RBMS3: variants seen among roughly 807,000 people sequenced by gnomAD.
RBMS3 encodes the protein RNA-binding motif, single-stranded-interacting protein 3.
RBMS3 carries 27 observed loss-of-function variants against 66.8 expected under a neutral mutation model. The observed-to-expected ratio is 0.40, with a 90% CI of 0.30 to 0.56. The LOEUF is 0.56. Among genes scored for constraint, RBMS3 ranks in the 20% least tolerant of loss-of-function variants. The pLI is 0.40. For missense variants in RBMS3, 513 were observed against 549.5 expected, an observed-to-expected ratio of 0.93 and a Z score of 0.66; for synonymous variants, 188 against 183.0, an observed-to-expected ratio of 1.03 and a Z score of -0.22.
chr3:29,630,024 ATGTT>A (rs993267272), intron 4 of RBMS3, among the ~76,000 whole-genome samples: 15 of 152,160 alleles, frequency 9.9e-5, no homozygotes, highest in Middle Eastern at 3.4e-3. Context: ...AAACCAATAT[ATGTT>A]TGTTTGTTTT....
intron 3 of RBMS3, among the ~76,000 whole-genome samples, chr3:29,525,053 C>G (rs536712668): frequency 6.6e-6 from 1 of 151,912 alleles, no homozygotes; most frequent in South Asian, 2.1e-4. Context: ...GACGTTGTCT[C>G]TAAAGAAAGA....
chr3:29,796,144 T>C (rs2057174417), intron 6 of RBMS3, among the ~76,000 whole-genome samples: 2 of 152,232 alleles, frequency 1.3e-5, no homozygotes, highest in African/African-American at 4.8e-5. Context: ...CACCATACTG[T>C]AGCGTATTAA....
intron 6 of RBMS3, among the ~76,000 whole-genome samples, chr3:29,828,395 T>C (rs1360144539): frequency 1.3e-5 from 2 of 152,190 alleles, no homozygotes; most frequent in African/African-American, 4.8e-5. Context: ...TTATGTGTAC[T>C]GCTCAGTTGA....
intron 1 of RBMS3, among the ~76,000 whole-genome samples, chr3:29,332,726 AAG>A (rs1265615471): frequency 5.3e-5 from 8 of 152,320 alleles, no homozygotes; most frequent in Admixed American, 3.9e-4. Flanking sequence ...GATGAAATAA[AAG>A]AGTGATCAGA....
At chr3:29,464,978 C>CAAT (rs2042489043) in intron 2 of RBMS3, among the ~76,000 whole-genome samples, 1 of 152,176 alleles carries the variant, frequency 6.6e-6, no homozygotes, top group South Asian at 2.1e-4. Context: ...TGATTCATCT[C>CAAT]AGTATTACAA....
chr3:29,301,507 C>A (rs1031399146), intron 1 of RBMS3, among the ~76,000 whole-genome samples: 1 of 152,030 alleles, frequency 6.6e-6, no homozygotes, highest in African/African-American at 2.4e-5. Flanking sequence ...CGCTTATGTG[C>A]AGTTGGCCCC....
intron 7 of RBMS3, among the ~76,000 whole-genome samples, chr3:29,873,080 C>CT (rs1280705099): frequency 2.0e-5 from 3 of 152,134 alleles, no homozygotes; most frequent in Non-Finnish European, 4.4e-5. Flanking sequence ...TATTCAGGCT[C>CT]TTTTTTTGTT....
chr3:29,545,809 C>T (rs1307940769), intron 3 of RBMS3, among the ~76,000 whole-genome samples: 4 of 152,178 alleles, frequency 2.6e-5, no homozygotes, highest in Non-Finnish European at 5.9e-5. Context: ...GTTCATCCAA[C>T]ATTGTAATAT....
chr3:29,440,467 T>C (rs571508600), intron 2 of RBMS3, among the ~76,000 whole-genome samples: 11 of 152,210 alleles, frequency 7.2e-5, no homozygotes, highest in Non-Finnish European at 1.3e-4. Flanking sequence ...GGTAGGTACA[T>C]ACATATTTCC....
chr3:29,920,699 G>C (rs2060748532), intron 10 of RBMS3, among the ~76,000 whole-genome samples: 1 of 151,970 alleles, frequency 6.6e-6, no homozygotes, highest in Non-Finnish European at 1.5e-5. Context: ...AGATAGGCAG[G>C]TCATGGTGGC....
At chr3:29,925,956 A>G (rs1446654517) in intron 10 of RBMS3, among the ~76,000 whole-genome samples, 1 of 152,244 alleles carries the variant, frequency 6.6e-6, no homozygotes, top group East Asian at 1.9e-4. Flanking sequence ...AGTTTCTTGC[A>G]CAAATCCTGA....
At chr3:29,794,014 C>T (rs1022592064) in intron 6 of RBMS3, among the ~76,000 whole-genome samples, 24 of 152,132 alleles carry the variant, frequency 1.6e-4, no homozygotes, top group African/African-American at 5.6e-4. Context: ...CTATTCTTGC[C>T]ATGTGACGTG....
chr3:29,361,405 G>A (rs1356565587), intron 1 of RBMS3, among the ~76,000 whole-genome samples: 3 of 152,216 alleles, frequency 2.0e-5, no homozygotes, highest in Admixed American at 6.5e-5. Flanking sequence ...TAGAGTTTCT[G>A]CTGAGAGATC....
rs181475493 is a variant in RBMS3, at chr3:29,603,786, A to T, written c.399+16581A>T. 7.0e-4 allele frequency among the ~76,000 whole-genome samples: 106 copies of T among 152,128 alleles called. 2 individuals carry two copies. The East Asian group carries it at 0.013, about 19-fold the overall frequency. On this transcript the variant is annotated intron_variant, in intron 4 of 14. Transcript: ENST00000383767. ...TAGGTAATTATTACCCATGGTAAAG[A>T]GCTACCTAGAGGTGTACATTCAACT...
chr3:29,999,935 G>A (rs1699504903), intron 14 of RBMS3, among the ~76,000 whole-genome samples: 1 of 151,318 alleles, frequency 6.6e-6, no homozygotes, highest in South Asian at 2.1e-4. Context: ...TTTAAAAAAA[G>A]ACCTAAAACC....
chr3:29,669,557 G>C (rs1010768301), intron 4 of RBMS3, among the ~76,000 whole-genome samples: 7 of 152,132 alleles, frequency 4.6e-5, no homozygotes, highest in African/African-American at 1.7e-4. Context: ...TTTCCCTTAA[G>C]ATCCGCAAAA....
At chr3:29,640,255 T>TACATAC (rs2049644345) in intron 4 of RBMS3, among the ~76,000 whole-genome samples, 1 of 140,072 alleles carries the variant, frequency 7.1e-6, no homozygotes, top group South Asian at 2.3e-4. Context: ...ACATTTTGGT[T>TACATAC]ACACACACAC....
intron 1 of RBMS3, among the ~76,000 whole-genome samples, chr3:29,324,869 T>C (rs1338541296): frequency 6.6e-6 from 1 of 152,172 alleles, no homozygotes; most frequent in African/African-American, 2.4e-5. Context: ...ACTCTCATTA[T>C]TCCCTTTGTT....
At chr3:29,473,784 C>G (rs377429286) in intron 2 of RBMS3, among the ~76,000 whole-genome samples, 1 of 152,232 alleles carries the variant, frequency 6.6e-6, no homozygotes, top group Admixed American at 6.5e-5. Flanking sequence ...CAGGGCCGGC[C>G]AGCCCCTCCA....
Sources: allele counts gnomAD v4.1 joint callset (sites outside exome capture counted in the v4.1 genomes callset), GRCh38; gene constraint gnomAD v4.1.1; transcripts MANE v1.5; gene names NCBI Gene and HGNC (gene_info 2026-07-23, HGNC 2026-07-21).